Variants in ABHD2 observed in about 807,000 individuals in gnomAD.
ABHD2 encodes abhydrolase domain containing 2, acylglycerol lipase.
In ABHD2, 20 loss-of-function variants were observed where a neutral mutation model predicts 48.1. That is an observed-to-expected ratio of 0.42 (90% CI 0.29 to 0.60). The LOEUF (loss-of-function observed/expected upper bound fraction) is 0.60, where lower values mean the gene tolerates loss of function less well. Ranked by LOEUF, ABHD2 falls within the 20% of genes least tolerant of loss-of-function variation. ABHD2 has a pLI of 0.24. For missense variants in ABHD2, 405 were observed against 550.9 expected (o/e 0.74, Z 2.65); for synonymous variants, 209 against 214.2 (o/e 0.98, Z 0.21).
At chr15:89,134,517 T>A (rs1316001589) in intron 3 of ABHD2, among the ~76,000 whole-genome samples, 2 of 152,246 alleles carry the variant, frequency 1.3e-5, no homozygotes, top group African/African-American at 4.8e-5. Flanking sequence ...ATCAGCAGAT[T>A]GCAGCTTTGT....
intron 3 of ABHD2, chr15:89,136,562 GTGC>G: frequency 3.5e-6 from 1 of 285,266 alleles, no homozygotes; most frequent in South Asian, 3.0e-5. Flanking sequence ...ACTTGCCCCA[GTGC>G]TATCTCTATG....
chr15:89,181,000 C>T (rs1282645559), intron 6 of ABHD2, among the ~76,000 whole-genome samples: 2 of 151,946 alleles, frequency 1.3e-5, no homozygotes, highest in Non-Finnish European at 2.9e-5. Context: ...GGCCAAGGCA[C>T]GCGGATCACA....
At chr15:89,044,158 G>T in the ABHD2 span, among the ~76,000 whole-genome samples, 2 of 152,164 alleles carry the variant, frequency 1.3e-5, no homozygotes, top group South Asian at 4.2e-4. Flanking sequence ...GCAGAGTTTG[G>T]TTTTTTGTTC....
chr15:89,073,493 C>T, the ABHD2 span, among the ~76,000 whole-genome samples: 2 of 152,196 alleles, frequency 1.3e-5, no homozygotes, highest in African/African-American at 4.8e-5. Context: ...GACAGAATGT[C>T]ACAATGTTGG....
At chr15:89,172,353 C>T (rs184992099) in intron 5 of ABHD2, among the ~76,000 whole-genome samples, 114 of 152,342 alleles carry the variant, frequency 7.5e-4, no homozygotes, top group African/African-American at 2.6e-3. Flanking sequence ...AGGTATGTCA[C>T]ATAAGTAGGA....
the ABHD2 span, among the ~76,000 whole-genome samples, chr15:89,059,977 C>T: frequency 6.6e-6 from 1 of 151,570 alleles, no homozygotes; most frequent in East Asian, 1.9e-4. Context: ...GTCTTCCAGG[C>T]ATTTATGCAG....
rs1399168855 is a variant in ABHD2 at position 89,175,883 on chromosome 15, G to A, written c.610G>A (p.Val204Met). ...ATATCCCCTGACCCAGCTGGTCGTC[G>A]TGGGCTTCAGCCTGGGTGGTAACAT... ...KTYPLTQLVVVGFSLGGNIVC... is the reference protein window; with the variant it reads ...KTYPLTQLVVMGFSLGGNIVC... Residue 204 changes from valine to methionine, a missense_variant, in exon 6 of 11, where the codon GTG becomes ATG. Physicochemically the swap from Val to Met is conservative, Grantham distance 21. Coordinates refer to ENST00000352732, the MANE Select transcript of ABHD2 (RefSeq NM_152924.5). The surrounding 1 kb of genome is among the most constrained non-coding windows in gnomAD (Gnocchi z 5.7). The A allele has an allele frequency of 1.2e-6, 2 of 1,614,060 alleles. No individual in the cohort carries two copies. The highest frequency in any genetic ancestry group is 1.7e-6 in the Non-Finnish European group (2 of 1,179,998).
In ABHD2 at chr15:89,146,054, C is replaced by G. The variant is rs376780008; in HGVS notation, c.195-5623C>G. 5.3e-5 allele frequency among the ~76,000 whole-genome samples: 8 copies of G among 152,104 alleles called. No homozygotes were observed. The highest frequency in any genetic ancestry group is 1.9e-4 in the African/African-American group (8 of 41,416). The stretch of plus-strand genomic sequence containing the variant: ...ACTGGAAAGGACTTGCTGCAACTTG[C>G]TGAGATGTGAGGACTCAATCTCAGG... On this transcript the variant is annotated intron_variant, in intron 3 of 10. Transcript: ENST00000352732. The surrounding 1 kb of genome is among the most constrained non-coding windows in gnomAD (Gnocchi z 4.2).
At chr15:89,140,605 A>T (rs1320854564) in intron 3 of ABHD2, among the ~76,000 whole-genome samples, 1 of 152,100 alleles carries the variant, frequency 6.6e-6, no homozygotes, top group South Asian at 2.1e-4. Context: ...AGACACACAC[A>T]TACACACACC....
intron 3 of ABHD2, among the ~76,000 whole-genome samples, chr15:89,143,417 C>T (rs1278024366): frequency 1.3e-4 from 20 of 152,158 alleles, no homozygotes; most frequent in Admixed American, 1.3e-3. Context: ...CCTGTAATCC[C>T]AGCACTTTGG....
At chr15:89,141,471 A>G (rs1288984294) in intron 3 of ABHD2, among the ~76,000 whole-genome samples, 2 of 152,204 alleles carry the variant, frequency 1.3e-5, no homozygotes, top group Non-Finnish European at 2.9e-5. Flanking sequence ...CATCTCTGCT[A>G]AAAATACAAA....
At chr15:89,060,083 C>CTTT in the ABHD2 span, among the ~76,000 whole-genome samples, 210 of 77,584 alleles carry the variant, frequency 2.7e-3, 5 homozygotes, top group African/African-American at 7.2e-3. Flanking sequence ...ACTCCAAGGC[C>CTTT]TTTTTTTTTT....
At chr15:89,180,110 T>C (rs1353555136) in intron 6 of ABHD2, among the ~76,000 whole-genome samples, 1 of 152,234 alleles carries the variant, frequency 6.6e-6, no homozygotes, top group African/African-American at 2.4e-5. Context: ...ATCAGTAATT[T>C]TGAATCACAG....
chr15:89,050,553 C>T, the ABHD2 span, among the ~76,000 whole-genome samples: 2,267 of 152,304 alleles, frequency 0.015, 51 homozygotes, highest in African/African-American at 0.051. Context: ...GACATTTCCA[C>T]CCACTGCACG....
chr15:89,160,273 A>C (rs999134632), intron 5 of ABHD2, among the ~76,000 whole-genome samples: 2 of 152,220 alleles, frequency 1.3e-5, no homozygotes, highest in Non-Finnish European at 2.9e-5. Flanking sequence ...CTAGAACTGG[A>C]AACCTTTTAT....
rs1232384576 is a variant in ABHD2 at position 89,151,615 on chromosome 15, GA to G, written c.195-61del. On this transcript the variant is annotated intron_variant, in intron 3 of 10. Coordinates refer to ENST00000352732, the MANE Select transcript of ABHD2 (RefSeq NM_152924.5). This position sits in a 1 kb window ranked among gnomAD's most constrained non-coding sequence, Gnocchi z 4.7. ...ATAGGTTGAAAGAGTTTTGCTAAAA[GA>G]TTTTTCAGAACGTTGCTCAAGGAAT... 16 of 1,539,320 alleles carry G rather than the reference GA, an allele frequency of 1.0e-5. No individual in the cohort carries two copies. Among genetic ancestry groups the G allele is most frequent in the Middle Eastern group, 3.5e-4 (2 of 5,746 alleles).
At position 89,135,707 on chromosome 15, in the gene ABHD2, T is replaced by C. The variant is rs1313255774; in HGVS notation, c.195-15970T>C. On this transcript the variant is annotated intron_variant, in intron 3 of 10. Coordinates refer to ENST00000352732, the MANE Select transcript of ABHD2 (RefSeq NM_152924.5). Reference sequence around the variant, plus strand: ...CCGATATGCAGCAATATCCTTTTCTTACTTTTCCTTCAGCTTCGCAGCCTT... The same window carrying C: ...CCGATATGCAGCAATATCCTTTTCTCACTTTTCCTTCAGCTTCGCAGCCTT... 5.7e-6 allele frequency: 8 copies of C among 1,406,300 alleles called. No homozygotes were observed. The East Asian group carries it at 1.8e-4, about 32-fold the overall frequency. 87.1% of individuals were successfully genotyped at this position (1,406,300 alleles called of 1,614,324 possible). A position where few individuals can be genotyped will look rare whatever the true frequency, so the allele number is the denominator to read the frequency against.
At chr15:89,064,745 T>C in the ABHD2 span, among the ~76,000 whole-genome samples, 1 of 152,218 alleles carries the variant, frequency 6.6e-6, no homozygotes, top group African/African-American at 2.4e-5. Flanking sequence ...TACAGTTTTT[T>C]TGCTTAATAG....
chr15:89,186,866 C>T lies in ABHD2; in HGVS notation c.816-1327C>T, dbSNP rs1456525100. Among the ~76,000 whole-genome samples the T allele has an allele frequency of 6.6e-6, 1 of 152,230 alleles. No homozygotes were observed. The highest frequency in any genetic ancestry group is 6.5e-5 in the Admixed American group (1 of 15,280). ...CCTACGGGTGGGCGTTCACATGGCA[C>T]CTAAGCAAGGCTGGGCTTGAAGGCC... On this transcript the variant is annotated intron_variant, in intron 7 of 10. Coordinates refer to ENST00000352732, the MANE Select transcript of ABHD2 (RefSeq NM_152924.5). This position sits in a 1 kb window ranked among gnomAD's most constrained non-coding sequence, Gnocchi z 4.3.
Sources: allele counts gnomAD v4.1 joint callset (sites outside exome capture counted in the v4.1 genomes callset), GRCh38; gene constraint gnomAD v4.1.1; non-coding constraint Gnocchi (gnomAD v3.1); transcripts MANE v1.5; gene names NCBI Gene and HGNC (gene_info 2026-07-23, HGNC 2026-07-21).